APLP2: variants seen among roughly 807,000 people sequenced by gnomAD.
The protein encoded by APLP2 is CDEI box-binding protein.
A neutral mutation model predicts 89.9 loss-of-function variants in APLP2; 53 were observed. The ratio of observed to expected loss-of-function variants is 0.59; its 90% CI spans 0.47 to 0.74. The LOEUF is 0.74. Ranked by LOEUF, APLP2 falls within the 30% of genes least tolerant of loss-of-function variation. The pLI, the probability that APLP2 is intolerant of heterozygous loss-of-function variation, is 0.00. For synonymous variants in APLP2, 372 were observed against 348.6 expected (o/e 1.07, Z -0.75); for missense variants, 973 against 975.9 (o/e 1.00, Z 0.04).
At chr11:130,077,845 CTG>C (rs1942399300) in intron 1 of APLP2, among the ~76,000 whole-genome samples, 1 of 152,156 alleles carries the variant, frequency 6.6e-6, no homozygotes, top group Non-Finnish European at 1.5e-5. Flanking sequence ...GCTGTTTGAG[CTG>C]AAAGTAAAGA....
chr11:130,114,534 G>T (rs1948961186), intron 3 of APLP2, among the ~76,000 whole-genome samples: 1 of 152,234 alleles, frequency 6.6e-6, no homozygotes, highest in African/African-American at 2.4e-5. Flanking sequence ...CATTTGGCCA[G>T]TGGGGGCCCC....
intron 1 of APLP2, among the ~76,000 whole-genome samples, chr11:130,077,502 C>T (rs572769069): frequency 2.0e-5 from 3 of 152,112 alleles, no homozygotes; most frequent in East Asian, 3.9e-4. Flanking sequence ...ATTTTACTCT[C>T]TTTAATTATG....
Position 130,141,384 on chromosome 11 carries a change from C to G in APLP2, c.1924-114C>G. 3.5e-6 allele frequency: 3 copies of G among 849,126 alleles called. No individual in the cohort carries two copies. Among genetic ancestry groups the G allele is most frequent in the Non-Finnish European group, 3.9e-6 (2 of 518,272 alleles). The allele number at this position is 849,126 out of a possible 1,614,324, so 52.6% of individuals were successfully genotyped here. ...AGAACTGGTTGGTTAATGGGGGTCC[C>G]ACAGGTACCTGCTTCCTTCCATCAA... On this transcript the variant is annotated intron_variant, in intron 14 of 16. Coordinates refer to ENST00000338167, the MANE Select transcript of APLP2 (RefSeq NM_001142276.2). The surrounding 1 kb of genome is among the most constrained non-coding windows in gnomAD (Gnocchi z 4.2).
At chr11:130,121,357 C>T (rs1173428779) in intron 4 of APLP2, among the ~76,000 whole-genome samples, 3 of 152,210 alleles carry the variant, frequency 2.0e-5, no homozygotes, top group African/African-American at 7.2e-5. Flanking sequence ...GAAAAAAATG[C>T]TCTCTTCCTG....
In APLP2 at chr11:130,122,501, CATG is replaced by C. The variant is rs1399942702; in HGVS notation, c.914_916del (p.Asp305del). On this transcript the variant is annotated inframe_deletion, in exon 6 of 17. Coordinates refer to ENST00000338167, the MANE Select transcript of APLP2 (RefSeq NM_001142276.2). ...CACCATGTCAGACAAGGAAATTACT[CATG>C]ATGTCAAAGGTAACCCCATGTAGAG... 1 of 1,614,012 alleles carries C rather than the reference CATG, an allele frequency of 6.2e-7. No individual in the cohort carries two copies. Among genetic ancestry groups the C allele is most frequent in the East Asian group, 2.2e-5 (1 of 44,892 alleles).
intron 11 of APLP2, 101 bp downstream of exon 11, chr11:130,130,267 A>G (rs994028275): frequency 8.1e-6 from 12 of 1,474,140 alleles, no homozygotes; most frequent in Admixed American, 5.5e-5. Flanking sequence ...TGCATTTGCT[A>G]CTAGTCCTTA....
At position 130,101,487 on chromosome 11, in the gene APLP2, G is replaced by A. The variant is rs935857821; in HGVS notation, c.106-7942G>A. The A allele has an allele frequency of 4.6e-4, 39 of 83,926 alleles. No homozygotes were observed. In the Middle Eastern group the frequency reaches 0.014, roughly 29 times the overall value. The allele number at this position is 83,926 out of a possible 1,614,324, so 5.2% of individuals were successfully genotyped here. A position where few individuals can be genotyped will look rare whatever the true frequency, so the allele number is the denominator to read the frequency against. Reference sequence around the variant, plus strand: ...AGGCGTGAGCCATCGCGCCCAGCCCGTGTGTTTAGAATAATACACTTTTCA... The same window carrying A: ...AGGCGTGAGCCATCGCGCCCAGCCCATGTGTTTAGAATAATACACTTTTCA... On this transcript the variant is annotated intron_variant, in intron 1 of 16. Transcript: ENST00000338167.
rs913606843 is a variant in APLP2, at chr11:130,143,620, T to A, written c.*172T>A. Reference sequence around the variant, plus strand: ...CTGTAGAACTGCAATTTCCATTCTTTTAAATGGGTGAAAAATGGTAATATA... The same window carrying A: ...CTGTAGAACTGCAATTTCCATTCTTATAAATGGGTGAAAAATGGTAATATA... On this transcript the variant is annotated 3_prime_UTR_variant, in exon 17 of 17. Transcript: ENST00000338167. The A allele has an allele frequency of 2.1e-5, 12 of 584,346 alleles. No individual in the cohort carries two copies. The highest frequency in any genetic ancestry group is 3.7e-5 in the Non-Finnish European group (12 of 326,944). 36.2% of individuals were successfully genotyped at this position (584,346 alleles called of 1,614,324 possible).
chr11:130,105,410 G>T (rs997407874), intron 1 of APLP2, among the ~76,000 whole-genome samples: 1 of 151,222 alleles, frequency 6.6e-6, no homozygotes, highest in Non-Finnish European at 1.5e-5. Context: ...GCAAGACCCT[G>T]TCTCAAAAAA....
At chr11:130,131,254 G>A (rs73046917) in intron 11 of APLP2, among the ~76,000 whole-genome samples, 3,269 of 152,222 alleles carry the variant, frequency 0.021, 73 homozygotes, top group African/African-American at 0.061. Context: ...GCCCACCACA[G>A]TACCTGGTTA....
At chr11:130,082,204 G>A (rs1943271368) in intron 1 of APLP2, among the ~76,000 whole-genome samples, 1 of 151,436 alleles carries the variant, frequency 6.6e-6, no homozygotes, top group Admixed American at 6.6e-5. Flanking sequence ...TGTTTCTGAG[G>A]TGGAGTTCTG....
intron 11 of APLP2, among the ~76,000 whole-genome samples, chr11:130,131,063 G>A (rs1363318418): frequency 2.0e-5 from 3 of 152,226 alleles, no homozygotes; most frequent in Non-Finnish European, 4.4e-5. Context: ...ACACGCTAGT[G>A]TAGAGATAAT....
intron 1 of APLP2, among the ~76,000 whole-genome samples, chr11:130,079,657 C>CT (rs2135392486): frequency 6.6e-6 from 1 of 152,170 alleles, no homozygotes; most frequent in South Asian, 2.1e-4. Context: ...TTATCTGTAA[C>CT]TTTAAATTTT....
chr11:130,102,686 T>C (rs1770262352), intron 1 of APLP2, among the ~76,000 whole-genome samples: 1 of 152,110 alleles, frequency 6.6e-6, no homozygotes, highest in Non-Finnish European at 1.5e-5. Context: ...TCACTTGAGG[T>C]GATTAAAGGC....
intron 1 of APLP2, 80 bp downstream of exon 1, chr11:130,070,162 G>C: frequency 8.1e-6 from 8 of 991,820 alleles, no homozygotes; most frequent in Non-Finnish European, 1.0e-5. Context: ...AGCGGGGTCC[G>C]CGGCAGGGCG....
At chr11:130,136,107 G>A (rs777980058) in intron 13 of APLP2, among the ~76,000 whole-genome samples, 1 of 152,120 alleles carries the variant, frequency 6.6e-6, no homozygotes, top group African/African-American at 2.4e-5. Flanking sequence ...CAGGGCTGGC[G>A]TGGGTCATAT....
intron 9 of APLP2, among the ~76,000 whole-genome samples, chr11:130,128,405 C>T (rs1950599887): frequency 6.6e-6 from 1 of 152,170 alleles, no homozygotes; most frequent in South Asian, 2.1e-4. Flanking sequence ...TAATGTAACA[C>T]TTTAATAAAG....
At chr11:130,087,055 A>C (rs945752686) in intron 1 of APLP2, among the ~76,000 whole-genome samples, 1 of 152,244 alleles carries the variant, frequency 6.6e-6, no homozygotes, top group East Asian at 1.9e-4. Flanking sequence ...TAGTCTTGTC[A>C]TAACAGTATT....
intron 3 of APLP2, among the ~76,000 whole-genome samples, chr11:130,111,127 C>T (rs1043219069): frequency 1.3e-5 from 2 of 152,060 alleles, no homozygotes; most frequent in Non-Finnish European, 2.9e-5. Flanking sequence ...GGTACCGGGG[C>T]CAGGGCTTAT....
Sources: gnomAD v4.1 joint callset for allele counts (sites outside exome capture counted in the v4.1 genomes callset) on GRCh38, gnomAD v4.1.1 for gene constraint, Gnocchi (gnomAD v3.1) non-coding constraint, MANE v1.5 for transcripts, NCBI Gene and HGNC (gene_info 2026-07-23, HGNC 2026-07-21) for gene names.